Variants in PTPRD observed in about 807,000 individuals in gnomAD.
PTPRD encodes protein tyrosine phosphatase receptor type D, also known as receptor-type tyrosine-protein phosphatase delta.
PTPRD carries 34 observed loss-of-function variants against 214.5 expected under a neutral mutation model. The observed-to-expected ratio is 0.16, with a 90% CI of 0.12 to 0.21. The LOEUF is 0.21. Ranked by LOEUF, PTPRD falls within the 10% of genes least tolerant of loss-of-function variation. The pLI is 1.00. For synonymous variants in PTPRD, 1,128 were observed against 845.7 expected (o/e 1.33, Z -5.79); for missense variants, 2,545 against 2,398.7 (o/e 1.06, Z -1.27).
intron 9 of PTPRD, among the ~76,000 whole-genome samples, chr9:9,235,169 GA>G (rs1480475058): frequency 1.3e-5 from 2 of 152,128 alleles, no homozygotes; most frequent in African/African-American, 2.4e-5. Flanking sequence ...AGCAATGGGG[GA>G]AAAGCCCCTT....
At chr9:8,802,063 C>T (rs1566175079) in intron 11 of PTPRD, among the ~76,000 whole-genome samples, 1 of 152,236 alleles carries the variant, frequency 6.6e-6, no homozygotes, top group East Asian at 1.9e-4. Context: ...CACCACATAA[C>T]TGGAGTCAGA....
Position 9,256,690 on chromosome 9 carries a change from T to C in PTPRD, c.-202-73327A>G, listed in dbSNP as rs961294144. 3.9e-5 allele frequency among the ~76,000 whole-genome samples: 6 copies of C among 152,118 alleles called. No homozygotes were observed. The South Asian group carries it at 1.2e-3, about 32-fold the overall frequency. On this transcript the variant is annotated intron_variant, in intron 9 of 45. Transcript: ENST00000381196. ...TATAGTTTCTTTCTATTATAAGAGATAAATAGCAGTGCCCTGACTAATTAC... is the reference window on the plus strand; with the variant it reads ...TATAGTTTCTTTCTATTATAAGAGACAAATAGCAGTGCCCTGACTAATTAC...
At chr9:9,581,824 T>C (rs2090868287) in intron 7 of PTPRD, among the ~76,000 whole-genome samples, 1 of 152,158 alleles carries the variant, frequency 6.6e-6, no homozygotes, top group South Asian at 2.1e-4. Context: ...AATACAATGG[T>C]ATATAATGCT....
rs539795422 is a variant in PTPRD, at chr9:9,013,422, C to T, written c.-104+5275G>A. 1.8e-4 allele frequency among the ~76,000 whole-genome samples: 27 copies of T among 152,198 alleles called. No homozygotes were observed. The South Asian group carries it at 3.5e-3, about 20-fold the overall frequency. ...GTCACAAGGCAGAACTAATAATAGA[C>T]TTCAAATATGGAAGGAACCTTACTT... On this transcript the variant is annotated intron_variant, in intron 11 of 45. Coordinates refer to ENST00000381196, the MANE Select transcript of PTPRD (RefSeq NM_002839.4).
chr9:9,088,747 TTAGTA>T (rs1416789225), intron 10 of PTPRD, among the ~76,000 whole-genome samples: 1 of 152,070 alleles, frequency 6.6e-6, no homozygotes, highest in Non-Finnish European at 1.5e-5. Context: ...AAAGGTTTTC[TTAGTA>T]TTTGTGGAGG....
intron 44 of PTPRD, among the ~76,000 whole-genome samples, chr9:8,330,406 A>C (rs150563604): frequency 6.8e-4 from 103 of 152,196 alleles, no homozygotes; most frequent in African/African-American, 2.2e-3. Flanking sequence ...CACAACTTTT[A>C]TATGCACTGG....
chr9:9,433,367 A>G (rs142516401), intron 8 of PTPRD, among the ~76,000 whole-genome samples: 1 of 152,308 alleles, frequency 6.6e-6, no homozygotes, highest in Non-Finnish European at 1.5e-5. Context: ...GAGGATTTAT[A>G]ATGAGTATTG....
intron 9 of PTPRD, among the ~76,000 whole-genome samples, chr9:9,338,480 T>A (rs992510054): frequency 1.3e-5 from 2 of 152,198 alleles, no homozygotes; most frequent in African/African-American, 4.8e-5. Flanking sequence ...AAAAAACATT[T>A]TAATTTTTTA....
At chr9:9,380,751 G>T (rs962199702) in intron 9 of PTPRD, among the ~76,000 whole-genome samples, 1 of 152,056 alleles carries the variant, frequency 6.6e-6, no homozygotes, top group Non-Finnish European at 1.5e-5. Context: ...TCTACCTGAC[G>T]TGTCTGACTA....
rs558928456 is a variant in PTPRD, at chr9:10,201,741, G to A, written c.-545+139222C>T. ...ATCATTCAACAAAGCAAACATATAT[G>A]TAAGCATCACATTGTATCCCATGAA... On this transcript the variant is annotated intron_variant, in intron 3 of 45. Coordinates refer to ENST00000381196, the MANE Select transcript of PTPRD (RefSeq NM_002839.4). Among the ~76,000 whole-genome samples the A allele has an allele frequency of 1.6e-3, 237 of 152,126 alleles. 5 individuals are homozygous for A. Among genetic ancestry groups the A allele is most frequent in the Admixed American group, 0.013 (202 of 15,244 alleles).
intron 10 of PTPRD, among the ~76,000 whole-genome samples, chr9:9,042,827 C>G (rs976133104): frequency 6.6e-6 from 1 of 151,886 alleles, no homozygotes; most frequent in Non-Finnish European, 1.5e-5. Context: ...ATTTCCTGGA[C>G]TTTGAGTCAG....
intron 11 of PTPRD, among the ~76,000 whole-genome samples, chr9:8,905,738 CAAAA>C (rs58429749): frequency 2.0e-5 from 2 of 99,014 alleles, no homozygotes. Flanking sequence ...GACTCCCTCG[CAAAA>C]AAAAAAAAAA....
intron 5 of PTPRD, among the ~76,000 whole-genome samples, chr9:9,814,842 TG>T (rs1334601174): frequency 7.2e-6 from 1 of 139,668 alleles, no homozygotes; most frequent in African/African-American, 2.7e-5. Flanking sequence ...CTCTGTCACA[TG>T]GGCTGGAGTA....
At chr9:10,467,087 G>A (rs1391674397) in intron 2 of PTPRD, among the ~76,000 whole-genome samples, 1 of 152,170 alleles carries the variant, frequency 6.6e-6, no homozygotes, top group Non-Finnish European at 1.5e-5. Flanking sequence ...TCACTCAGAA[G>A]ACATTGCCAG....
At chr9:9,735,821 G>C (rs186776669) in intron 6 of PTPRD, among the ~76,000 whole-genome samples, 1 of 152,150 alleles carries the variant, frequency 6.6e-6, no homozygotes, top group Admixed American at 6.6e-5. Flanking sequence ...AAAATAATCT[G>C]ATACATTCTT....
Position 8,398,236 on chromosome 9 carries a change from T to C in PTPRD, c.4210+6301A>G, listed in dbSNP as rs1306457076. Among the ~76,000 whole-genome samples the C allele has an allele frequency of 4.6e-5, 7 of 152,254 alleles. No individual in the cohort carries two copies. In the East Asian group the frequency reaches 5.8e-4, roughly 13 times the overall value. On this transcript the variant is annotated intron_variant, in intron 36 of 45. Coordinates refer to ENST00000381196, the MANE Select transcript of PTPRD (RefSeq NM_002839.4). The stretch of plus-strand genomic sequence containing the variant: ...ACTCTTCTAGGTGCTTTACATATGT[T>C]AGTTTATTTAATCCTCCTAGTAATT...
chr9:9,412,106 T>G (rs78265017), intron 8 of PTPRD, among the ~76,000 whole-genome samples: 69 of 152,324 alleles, frequency 4.5e-4, no homozygotes, highest in Non-Finnish European at 7.9e-4. Context: ...TATGTAAAAC[T>G]CAATTTTATC....
chr9:8,380,521 A>C (rs910733926), intron 37 of PTPRD, among the ~76,000 whole-genome samples: 4 of 152,196 alleles, frequency 2.6e-5, no homozygotes, highest in Non-Finnish European at 5.9e-5. Flanking sequence ...TCTTTTCATT[A>C]TCACAAAGTT....
intron 9 of PTPRD, among the ~76,000 whole-genome samples, chr9:9,375,177 A>G (rs968906087): frequency 3.3e-5 from 5 of 152,224 alleles, no homozygotes; most frequent in African/African-American, 9.6e-5. Context: ...TCATACTGAA[A>G]GACAATGTCT....
Sources: allele counts gnomAD v4.1 joint callset (sites outside exome capture counted in the v4.1 genomes callset), GRCh38; gene constraint gnomAD v4.1.1; transcripts MANE v1.5; gene names NCBI Gene and HGNC (gene_info 2026-07-23, HGNC 2026-07-21).